Variants in SCML4 observed in about 807,000 individuals in gnomAD.
SCML4 encodes sex comb on midleg-like protein 4.
A neutral mutation model predicts 41.1 loss-of-function variants in SCML4; 34 were observed. That is an observed-to-expected ratio of 0.83 (90% CI 0.63 to 1.10). The LOEUF (loss-of-function observed/expected upper bound fraction) is 1.10. SCML4 is among the 50% of genes least tolerant of loss of function. The pLI is 0.00. For missense variants in SCML4, 522 were observed against 534.1 expected (o/e 0.98, Z 0.22); for synonymous variants, 214 against 220.9 (o/e 0.97, Z 0.28).
At chr6:107,719,034 T>A (rs1207059956) in intron 6 of SCML4, 2 of 152,334 alleles carry the variant, frequency 1.3e-5, no homozygotes, top group Non-Finnish European at 2.9e-5. Flanking sequence ...ACCTATGAAA[T>A]CAAGGCTGCC....
chr6:107,753,950 G>A (rs755851279), intron 2 of SCML4, among the ~76,000 whole-genome samples: 1 of 152,186 alleles, frequency 6.6e-6, no homozygotes, highest in East Asian at 1.9e-4. Context: ...CTTGCAGAAG[G>A]TCTCTTCCCA....
At chr6:107,833,423 G>A in the SCML4 span, among the ~76,000 whole-genome samples, 1 of 152,116 alleles carries the variant, frequency 6.6e-6, no homozygotes, top group African/African-American at 2.4e-5. Context: ...AAGCACTGGG[G>A]ACCTAGCCAT....
At chr6:107,776,766 G>A (rs1780986633) in intron 1 of SCML4, among the ~76,000 whole-genome samples, 1 of 152,096 alleles carries the variant, frequency 6.6e-6, no homozygotes, top group South Asian at 2.1e-4. Context: ...AAAGATATAT[G>A]GCCAAGGATA....
At chr6:107,717,837 C>T (rs1412335574) in intron 6 of SCML4, among the ~76,000 whole-genome samples, 2 of 152,330 alleles carry the variant, frequency 1.3e-5, no homozygotes, top group African/African-American at 2.4e-5. Context: ...CATGAACCAT[C>T]GTGCCTGGCT....
intron 5 of SCML4, among the ~76,000 whole-genome samples, chr6:107,730,734 T>G (rs1776454830): frequency 6.6e-6 from 1 of 152,174 alleles, no homozygotes; most frequent in Non-Finnish European, 1.5e-5. Context: ...TTTTTCACCA[T>G]CGCTAAACCT....
intron 5 of SCML4, among the ~76,000 whole-genome samples, chr6:107,726,951 A>G (rs530081566): frequency 1.3e-5 from 2 of 152,372 alleles, no homozygotes; most frequent in East Asian, 1.9e-4. Flanking sequence ...AAATCTGTAC[A>G]TGAATGTTTA....
At chr6:107,818,815 C>T (rs1432739122) in intron 1 of SCML4, among the ~76,000 whole-genome samples, 6 of 152,174 alleles carry the variant, frequency 3.9e-5, no homozygotes, top group Non-Finnish European at 5.9e-5. Context: ...AGCCCCTGGC[C>T]GACTTGAAGT....
chr6:107,715,127 G>T (rs1194935266), intron 6 of SCML4, among the ~76,000 whole-genome samples: 1 of 149,078 alleles, frequency 6.7e-6, no homozygotes, highest in African/African-American at 2.5e-5. Context: ...GGCATGTGCC[G>T]CCACACCCAG....
chr6:107,713,486 A>AAC (rs1191332334), intron 6 of SCML4, among the ~76,000 whole-genome samples: 21 of 152,312 alleles, frequency 1.4e-4, no homozygotes, highest in African/African-American at 4.8e-4. Flanking sequence ...CCACATGCAA[A>AAC]ACACACCGAG....
chr6:107,819,869 T>A (rs1583676852), intron 1 of SCML4, among the ~76,000 whole-genome samples: 3 of 152,268 alleles, frequency 2.0e-5, no homozygotes, highest in East Asian at 3.9e-4. Context: ...TACTTCAGAG[T>A]GTCAAATGGA....
In SCML4 at chr6:107,746,886, C is replaced by T; in HGVS notation, c.290G>A (p.Cys97Tyr). The T allele has an allele frequency of 1.2e-6, 2 of 1,611,156 alleles. No individual in the cohort carries two copies. The highest frequency in any genetic ancestry group is 1.7e-6 in the Non-Finnish European group (2 of 1,178,262). Residue 97 changes from cysteine to tyrosine, a missense_variant, in exon 4 of 8, where the codon TGC (cysteine) becomes TAC (tyrosine). Transcript: ENST00000369020. ...SLAAPQALTV[C>Y]LYINKQANAG... Reference sequence around the variant, plus strand: ...ATTGGCCTGCTTGTTGATGTAGAGGCAGACTGCGGAGACAGAGGTCACAAA... The same window carrying T: ...ATTGGCCTGCTTGTTGATGTAGAGGTAGACTGCGGAGACAGAGGTCACAAA...
intron 3 of SCML4, among the ~76,000 whole-genome samples, chr6:107,747,503 A>G (rs1247937310): frequency 6.6e-6 from 1 of 151,886 alleles, no homozygotes; most frequent in Non-Finnish European, 1.5e-5. Context: ...GTCCCAAACC[A>G]TGTTTATTTA....
intron 6 of SCML4, among the ~76,000 whole-genome samples, chr6:107,713,679 C>G (rs1774456195): frequency 6.6e-6 from 1 of 152,210 alleles, no homozygotes; most frequent in Non-Finnish European, 1.5e-5. Flanking sequence ...AGGTCATTGT[C>G]TCCGACAGGG....
chr6:107,721,145 A>G (rs762374847), intron 5 of SCML4, 152 bp from the exon 6 acceptor site: 10 of 932,792 alleles, frequency 1.1e-5, no homozygotes, highest in Non-Finnish European at 1.5e-5. Context: ...ACATAATTCC[A>G]AATAGCATAC....
In SCML4 at chr6:107,811,025, C is replaced by G. The variant is rs1012258009; in HGVS notation, c.-60+13101G>C. On this transcript the variant is annotated intron_variant, in intron 1 of 7. Transcript: ENST00000369020. ...GGCCCTAATCCAATAGGGCTGGTGTCTTTATAAGTAAGAGACATCAGGAGT... is the reference window on the plus strand; with the variant it reads ...GGCCCTAATCCAATAGGGCTGGTGTGTTTATAAGTAAGAGACATCAGGAGT... Among the ~76,000 whole-genome samples, 3 of 152,002 alleles carry G rather than the reference C, an allele frequency of 2.0e-5. No individual in the cohort carries two copies. In the East Asian group the frequency reaches 5.8e-4, roughly 29 times the overall value.
At chr6:107,785,462 C>T (rs542373078) in intron 1 of SCML4, among the ~76,000 whole-genome samples, 3 of 152,212 alleles carry the variant, frequency 2.0e-5, no homozygotes, top group Non-Finnish European at 4.4e-5. Context: ...TCCTAAGCAC[C>T]CAGAAGGCAG....
intron 1 of SCML4, among the ~76,000 whole-genome samples, chr6:107,814,077 G>T (rs1266631248): frequency 6.6e-6 from 1 of 152,206 alleles, no homozygotes. Context: ...ATCCTGGAAG[G>T]TCACTTCCAC....
intron 5 of SCML4, among the ~76,000 whole-genome samples, chr6:107,724,529 T>TATTCTCAATAAATATTATTCTC (rs1775759070): frequency 6.6e-6 from 1 of 152,200 alleles, no homozygotes; most frequent in Non-Finnish European, 1.5e-5. Flanking sequence ...TAATTCCATT[T>TATTCTCAATAAATATTATTCTC]ATAATAGTAT....
chr6:107,716,490 T>C (rs995697600), intron 6 of SCML4, among the ~76,000 whole-genome samples: 2 of 152,162 alleles, frequency 1.3e-5, no homozygotes, highest in African/African-American at 4.8e-5. Flanking sequence ...CTGGCCCCCT[T>C]GAGTGTAGGT....
Sources: gnomAD v4.1 joint callset for allele counts (sites outside exome capture counted in the v4.1 genomes callset) on GRCh38, gnomAD v4.1.1 for gene constraint, MANE v1.5 for transcripts, NCBI Gene and HGNC (gene_info 2026-07-23, HGNC 2026-07-21) for gene names.